Variants in ATAD3B observed in about 807,000 individuals in gnomAD.
The protein encoded by ATAD3B is ATPase family AAA domain-containing protein 3B.
In ATAD3B, 59 loss-of-function variants were observed where a neutral mutation model predicts 70.2. The observed-to-expected ratio is 0.84, with a 90% CI of 0.68 to 1.04. The LOEUF is 1.04. Ranked by LOEUF, ATAD3B falls within the 50% of genes least tolerant of loss-of-function variation. ATAD3B has a pLI of 0.00. For synonymous variants in ATAD3B, 423 were observed against 388.6 expected (o/e 1.09, Z -1.04); for missense variants, 961 against 913.4 (o/e 1.05, Z -0.67).
chr1:1,483,918 G>T (rs1640061745), intron 7 of ATAD3B: 1 of 152,154 alleles, frequency 6.6e-6, no homozygotes, highest in Non-Finnish European at 1.5e-5. Flanking sequence ...CCACCGGCAG[G>T]TGCTGCAGTC....
At chr1:1,499,094 C>G (rs1318014304), downstream of ATAD3B, among the ~76,000 whole-genome samples, 5 of 151,682 alleles carry the variant, frequency 3.3e-5, no homozygotes, top group African/African-American at 1.2e-4. Flanking sequence ...GCCTCAGCCT[C>G]CTGAGTAGCT....
the ATAD3B span, among the ~76,000 whole-genome samples, chr1:1,505,071 G>C: frequency 6.6e-6 from 1 of 152,142 alleles, no homozygotes; most frequent in Non-Finnish European, 1.5e-5. Flanking sequence ...GCTGGGCCCG[G>C]GGAACCACTG....
Position 1,478,431 on chromosome 1 carries a change from G to T in ATAD3B, c.283-213G>T, listed in dbSNP as rs150450339. 4.0e-4 allele frequency: 602 copies of T among 1,521,334 alleles called. 6 individuals carry two copies. The East Asian group carries it at 0.012, about 30-fold the overall frequency. The allele number at this position is 1,521,334 out of a possible 1,614,324, so 94.2% of individuals were successfully genotyped here. On this transcript the variant is annotated intron_variant, in intron 2 of 15. Coordinates refer to ENST00000673477, the MANE Select transcript of ATAD3B (RefSeq NM_031921.6). ...CTGACCTCCCTCCCCGGGGGCCTTC[G>T]CAGGCTTCTCTGCTGGTGCTTCTGT...
chr1:1,505,025 T>C, the ATAD3B span, among the ~76,000 whole-genome samples: 1 of 151,262 alleles, frequency 6.6e-6, no homozygotes, highest in Non-Finnish European at 1.5e-5. Flanking sequence ...GACAAGAGAG[T>C]GTAGAAATAA....
intron 1 of ATAD3B, among the ~76,000 whole-genome samples, chr1:1,474,534 C>G (rs1216748350): frequency 1.3e-5 from 2 of 151,726 alleles, no homozygotes; most frequent in African/African-American, 4.8e-5. Context: ...GAGTCTGGCT[C>G]TGCCGCCCAG....
the ATAD3B span, chr1:1,509,136 G>C: frequency 6.4e-7 from 1 of 1,559,096 alleles, no homozygotes; most frequent in Non-Finnish European, 8.7e-7. Flanking sequence ...CCCACCTCGG[G>C]GCCCTGGCGT....
chr1:1,487,189 C>T (rs1248795286), intron 11 of ATAD3B, among the ~76,000 whole-genome samples: 3 of 152,000 alleles, frequency 2.0e-5, no homozygotes, highest in Non-Finnish European at 2.9e-5. Context: ...TGACCTTTCA[C>T]TTTAGAAGAC....
intron 11 of ATAD3B, 141 bp from the exon 12 acceptor site, chr1:1,487,722 C>A: frequency 9.3e-7 from 1 of 1,077,858 alleles, no homozygotes; most frequent in Non-Finnish European, 1.4e-6. Context: ...TCTGTCGAGT[C>A]CAGGACTTAG....
Position 1,472,101 on chromosome 1 carries a change from G to GGGGCGGGGCGGGGCGGGGCGGGC in ATAD3B, c.205+29_205+30insGCGGGCGGGCGGGGCGGGGCGGG, listed in dbSNP as rs1639355402. ...GCTGGAGCACTCGCGTGAGTGCGGC[G>GGGGCGGGGCGGGGCGGGGCGGGC]GGGCGGGGCGGGGCGGGCGGGCGGG... On this transcript the variant is annotated intron_variant, in intron 1 of 15. Coordinates refer to ENST00000673477, the MANE Select transcript of ATAD3B (RefSeq NM_031921.6). 9.0e-7 allele frequency: 1 copy of GGGGCGGGGCGGGGCGGGGCGGGC among 1,112,514 alleles called. No individual in the cohort carries two copies. Among genetic ancestry groups the GGGGCGGGGCGGGGCGGGGCGGGC allele is most frequent in the South Asian group, 4.9e-5 (1 of 20,362 alleles). The allele number at this position is 1,112,514 out of a possible 1,614,324, so 68.9% of individuals were successfully genotyped here.
chr1:1,503,703 G>T, the ATAD3B span: 307 of 1,605,596 alleles, frequency 1.9e-4, 2 homozygotes, highest in South Asian at 3.1e-3. Flanking sequence ...GGGCGCACAT[G>T]GGGTTCGGGC....
chr1:1,477,182 G>A lies in ATAD3B; in HGVS notation c.206-92G>A, dbSNP rs1213782054. ...AACCACCGCTTCCCACTAGGTTTTTGTATTTTTAGTAGAGGTTGGGTTTCA... is the reference window on the plus strand; with the variant it reads ...AACCACCGCTTCCCACTAGGTTTTTATATTTTTAGTAGAGGTTGGGTTTCA... On this transcript the variant is annotated intron_variant, in intron 1 of 15. Coordinates refer to ENST00000673477, the MANE Select transcript of ATAD3B (RefSeq NM_031921.6). The A allele has an allele frequency of 3.3e-6, 5 of 1,515,580 alleles. No homozygotes were observed. In the East Asian group the frequency reaches 9.5e-5, roughly 29 times the overall value. The allele number at this position is 1,515,580 out of a possible 1,614,324, so 93.9% of individuals were successfully genotyped here. A position where few individuals can be genotyped will look rare whatever the true frequency, so the allele number is the denominator to read the frequency against.
chr1:1,480,953 C>G lies in ATAD3B; in HGVS notation c.514+17C>G. The G allele has an allele frequency of 1.3e-6, 2 of 1,589,408 alleles. No homozygotes were observed. Among genetic ancestry groups the G allele is most frequent in the Non-Finnish European group, 1.7e-6 (2 of 1,171,182 alleles). Reference sequence around the variant, plus strand: ...TGCGGCGAGGTAGGCTGTCTGCTCTCCTGGCTGGGGCGGAGGTGGCGGGGG... The same window carrying G: ...TGCGGCGAGGTAGGCTGTCTGCTCTGCTGGCTGGGGCGGAGGTGGCGGGGG... On this transcript the variant is annotated intron_variant, in intron 5 of 15. Coordinates refer to ENST00000673477, the MANE Select transcript of ATAD3B (RefSeq NM_031921.6).
downstream of ATAD3B, among the ~76,000 whole-genome samples, chr1:1,498,537 G>GT (rs1640858859): frequency 6.6e-6 from 1 of 151,664 alleles, no homozygotes; most frequent in African/African-American, 2.4e-5. Context: ...GGGTCGGTGG[G>GT]TGGGGGTACA....
At chr1:1,498,469 T>C (rs141178962), downstream of ATAD3B, among the ~76,000 whole-genome samples, 1,671 of 151,808 alleles carry the variant, frequency 0.011, 44 homozygotes, top group African/African-American at 0.039. Flanking sequence ...TCAAAATAAA[T>C]TAAAAAATAA....
rs571872566 is a variant in ATAD3B, at chr1:1,490,160, C to T, written c.1338-97C>T. ...TCACAAGCTGCCGCTTTAGATTCTC[C>T]CAAAAAGTCTCCCCGAGGGGGCTGA... is the stretch of plus-strand genomic sequence containing the variant. On this transcript the variant is annotated intron_variant, in intron 13 of 15. Coordinates refer to ENST00000673477, the MANE Select transcript of ATAD3B (RefSeq NM_031921.6). 139 of 1,526,272 alleles carry T rather than the reference C, an allele frequency of 9.1e-5. No homozygotes were observed. In the African/African-American group the frequency reaches 1.9e-3, roughly 21 times the overall value. 94.5% of individuals were successfully genotyped at this position (1,526,272 alleles called of 1,614,324 possible). A position where few individuals can be genotyped will look rare whatever the true frequency, so the allele number is the denominator to read the frequency against.
chr1:1,491,117 C>T (rs868194253), intron 15 of ATAD3B, among the ~76,000 whole-genome samples: 26 of 149,036 alleles, frequency 1.7e-4, no homozygotes, highest in South Asian at 1.0e-3. Flanking sequence ...TTCAGACACA[C>T]GGTGGGACTG....
At chr1:1,473,455 C>A (rs1180996427) in intron 1 of ATAD3B, among the ~76,000 whole-genome samples, 2 of 151,266 alleles carry the variant, frequency 1.3e-5, no homozygotes, top group Non-Finnish European at 2.9e-5. Context: ...CCACCCGCCT[C>A]GGCCTCCCAA....
At chr1:1,492,213 C>T (rs1295193963) in intron 15 of ATAD3B, among the ~76,000 whole-genome samples, 1 of 151,522 alleles carries the variant, frequency 6.6e-6, no homozygotes, top group Non-Finnish European at 1.5e-5. Flanking sequence ...TGGAACAAGC[C>T]CGGTGGCTCA....
chr1:1,472,470 G>T (rs973860177), intron 1 of ATAD3B, among the ~76,000 whole-genome samples: 7 of 151,996 alleles, frequency 4.6e-5, no homozygotes, highest in Non-Finnish European at 7.4e-5. Flanking sequence ...GGTTTGTTGG[G>T]TGGTTGCTAG....
Sources: allele counts gnomAD v4.1 joint callset (sites outside exome capture counted in the v4.1 genomes callset), GRCh38; gene constraint gnomAD v4.1.1; transcripts MANE v1.5; gene names NCBI Gene and HGNC (gene_info 2026-07-23, HGNC 2026-07-21).